PJA2: variants seen among roughly 807,000 people sequenced by gnomAD.
PJA2 encodes the protein praja ring finger ubiquitin ligase 2, also known as E3 ubiquitin-protein ligase Praja-2.
Under a neutral mutation model 69.3 loss-of-function variants are expected in PJA2, and 25 were observed. The observed-to-expected ratio is 0.36, with a 90% CI of 0.26 to 0.50. The LOEUF is 0.50. Ranked by LOEUF, PJA2 falls within the 20% of genes least tolerant of loss-of-function variation. PJA2 has a pLI of 0.96. For missense variants in PJA2, 809 were observed against 830.2 expected, an observed-to-expected ratio of 0.97 and a Z score of 0.31; for synonymous variants, 308 against 277.8, an observed-to-expected ratio of 1.11 and a Z score of -1.08.
At chr5:109,359,708 T>A (rs1762479035) in intron 6 of PJA2, among the ~76,000 whole-genome samples, 1 of 152,158 alleles carries the variant, frequency 6.6e-6, no homozygotes, top group Non-Finnish European at 1.5e-5. Flanking sequence ...AGAAACTTGT[T>A]AACTAAATAC....
At chr5:109,339,946 G>C (rs975884576) in intron 9 of PJA2, among the ~76,000 whole-genome samples, 2 of 152,190 alleles carry the variant, frequency 1.3e-5, no homozygotes, top group Admixed American at 6.5e-5. Flanking sequence ...AGAAGGGAGA[G>C]AGCAAGGAAA....
chr5:109,390,507 TACTC>T (rs1282544684), intron 1 of PJA2: 2 of 152,016 alleles, frequency 1.3e-5, no homozygotes, highest in Admixed American at 1.3e-4. Context: ...AGGTAGGTCT[TACTC>T]ACTTATATAT....
intron 9 of PJA2, among the ~76,000 whole-genome samples, chr5:109,340,894 G>A (rs1272458065): frequency 1.0e-5 from 1 of 98,458 alleles, no homozygotes; most frequent in African/African-American, 3.1e-5. Context: ...CGCCAACCTC[G>A]ACCTCCCGAG....
chr5:109,346,519 GTGGA>G (rs917298965), intron 7 of PJA2, among the ~76,000 whole-genome samples: 21 of 152,218 alleles, frequency 1.4e-4, no homozygotes, highest in Admixed American at 1.4e-3. Context: ...CTGTTCATTG[GTGGA>G]TGGATGAATA....
Position 109,379,140 on chromosome 5 carries a change from C to T in PJA2, c.347G>A (p.Ser116Asn), listed in dbSNP as rs1364844207. Residue 116 changes from serine to asparagine, a missense_variant, in exon 4 of 10, where the codon AGT becomes AAT. By Grantham distance (46) the Ser-to-Asn change is conservative. This residue lies in a region of PJA2 where 700 missense variants were observed against 639.5 expected (regional missense o/e 1.09). Transcript: ENST00000361189. ...GSALNQTTESSQSFVAVHHSE... is the reference protein window; with the variant it reads ...GSALNQTTESNQSFVAVHHSE... ...GTGATGTACTGCAACAAAGGATTGA[C>T]TGCTCTCAGTGGTTTGATTCAATGC... The T allele has an allele frequency of 6.2e-7, 1 of 1,614,128 alleles. No individual in the cohort carries two copies. The highest frequency in any genetic ancestry group is 8.5e-7 in the Non-Finnish European group (1 of 1,180,032).
intron 1 of PJA2, among the ~76,000 whole-genome samples, chr5:109,401,442 G>A (rs1747544546): frequency 6.6e-6 from 1 of 152,046 alleles, no homozygotes; most frequent in South Asian, 2.1e-4. Flanking sequence ...TTGGGCAACA[G>A]AGCGAGACCT....
rs991556930 is a variant in PJA2 at position 109,353,969 on chromosome 5, G to C, written c.1764+1946C>G. Among the ~76,000 whole-genome samples the C allele has an allele frequency of 3.7e-5, 5 of 134,550 alleles. No homozygotes were observed. The Admixed American group carries it at 3.7e-4, about 10-fold the overall frequency. The allele number at this position is 134,550 out of a possible 152,430, so 88.3% of individuals were successfully genotyped here. On this transcript the variant is annotated intron_variant, in intron 7 of 9. Coordinates refer to ENST00000361189, the MANE Select transcript of PJA2 (RefSeq NM_014819.5). ...ATAGATTAGATGTCTATGATATCTAGAGATATCTATAGATTAGATAGATAT... is the reference window on the plus strand; with the variant it reads ...ATAGATTAGATGTCTATGATATCTACAGATATCTATAGATTAGATAGATAT...
chr5:109,364,136 G>A (rs1329874661), intron 5 of PJA2, among the ~76,000 whole-genome samples: 2 of 151,078 alleles, frequency 1.3e-5, no homozygotes, highest in Admixed American at 1.3e-4. Flanking sequence ...AAGCGAGACT[G>A]TGTCTCAAAA....
At chr5:109,365,556 A>T (rs992941086) in intron 5 of PJA2, among the ~76,000 whole-genome samples, 15 of 148,846 alleles carry the variant, frequency 1.0e-4, no homozygotes, top group African/African-American at 3.5e-4. Context: ...TACTGTCTAA[A>T]CTCACTTTTT....
chr5:109,367,337 T>C (rs1762601862), intron 5 of PJA2, among the ~76,000 whole-genome samples: 1 of 151,186 alleles, frequency 6.6e-6, no homozygotes, highest in Non-Finnish European at 1.5e-5. Context: ...TGAAAATGTA[T>C]ATGCTTTGAG....
Position 109,378,539 on chromosome 5 carries a change from T to G in PJA2, c.948A>C (p.Pro316=). 1 of 1,614,206 alleles carries G rather than the reference T, an allele frequency of 6.2e-7. No individual in the cohort carries two copies. The highest frequency in any genetic ancestry group is 8.5e-7 in the Non-Finnish European group (1 of 1,180,028). Residue 316 remains proline, a synonymous_variant, in exon 4 of 10, where the codon CCA becomes CCC. Coordinates refer to ENST00000361189, the MANE Select transcript of PJA2 (RefSeq NM_014819.5). Reference sequence around the variant, plus strand: ...TTGAACTTATCAGTTTTCTAACTTTTGGCCTCACTACCTGTTCAGGAGAAC... The same window carrying G: ...TTGAACTTATCAGTTTTCTAACTTTGGGCCTCACTACCTGTTCAGGAGAAC... ...HGSSPEQVVR[P]KVRKLISSSQ... is the part of the protein sequence containing the mutation.
At chr5:109,407,210 C>A (rs956658942) in intron 1 of PJA2, among the ~76,000 whole-genome samples, 4 of 152,088 alleles carry the variant, frequency 2.6e-5, no homozygotes, top group Non-Finnish European at 4.4e-5. Context: ...TCTAAGTTAT[C>A]CTCAATAAGG....
In PJA2 at chr5:109,406,039, CA is replaced by C. The variant is rs142547905; in HGVS notation, c.-88+3802del. Among the ~76,000 whole-genome samples, 25 of 136,018 alleles carry C rather than the reference CA, an allele frequency of 1.8e-4. No homozygotes were observed. In the East Asian group the frequency reaches 3.1e-3, roughly 17 times the overall value. 89.2% of individuals were successfully genotyped at this position (136,018 alleles called of 152,430 possible). A position where few individuals can be genotyped will look rare whatever the true frequency, so the allele number is the denominator to read the frequency against. On this transcript the variant is annotated intron_variant, in intron 1 of 9. Transcript: ENST00000361189. ...TGCTTACAACTCAATAAGACAAACCCATTTTTTTTTTTTTTTTTTTTTGAGA... is the reference window on the plus strand; with the variant it reads ...TGCTTACAACTCAATAAGACAAACCCTTTTTTTTTTTTTTTTTTTTTGAGA...
rs1417923894 is a variant in PJA2 at position 109,335,861 on chromosome 5, A to AAGG, written c.*1369_*1370insCCT. 2.0e-5 allele frequency: 3 copies of AAGG among 152,622 alleles called. No individual in the cohort carries two copies. The highest frequency in any genetic ancestry group is 7.2e-5 in the African/African-American group (3 of 41,454). 9.5% of individuals were successfully genotyped at this position (152,622 alleles called of 1,614,324 possible). On this transcript the variant is annotated 3_prime_UTR_variant, in exon 10 of 10. Transcript: ENST00000361189. ...ATCACATTACATGCATGCAATGTTC[A>AAGG]CTTTTGTTTTACCCATAAAAGGATA... is the stretch of plus-strand genomic sequence containing the variant.
Position 109,340,653 on chromosome 5 carries a change from CCCCTCCCCCTCCCCCT to C in PJA2, c.2002-3313_2002-3298del, listed in dbSNP as rs1561338761. On this transcript the variant is annotated intron_variant, in intron 9 of 9. Transcript: ENST00000361189. ...CCCCCTCCCCCTCCCCCTCCCCCTC[CCCCTCCCCCTCCCCCT>C]CCCTCTCCCCACGGTCTCCCTCTCA... Among the ~76,000 whole-genome samples, 19 of 2,652 alleles carry C rather than the reference CCCCTCCCCCTCCCCCT, an allele frequency of 7.2e-3. 1 individual carries two copies. Among genetic ancestry groups the C allele is most frequent in the South Asian group, 0.024 (1 of 42 alleles). 1.7% of individuals were successfully genotyped at this position (2,652 alleles called of 152,430 possible).
intron 1 of PJA2, among the ~76,000 whole-genome samples, chr5:109,386,758 T>C (rs1255619248): frequency 6.6e-6 from 1 of 152,160 alleles, no homozygotes; most frequent in Non-Finnish European, 1.5e-5. Flanking sequence ...CCTCATACTT[T>C]AGTACAGTTC....
Position 109,335,143 on chromosome 5 carries a change from G to A in PJA2, c.*2088C>T, listed in dbSNP as rs1761916763. ...AAATAATATTTTAGTATCTGAACTT[G>A]CCAGCCTTAGCTTATACCAGAGCTT... On this transcript the variant is annotated 3_prime_UTR_variant, in exon 10 of 10. Coordinates refer to ENST00000361189, the MANE Select transcript of PJA2 (RefSeq NM_014819.5). 1 of 152,546 alleles carries A rather than the reference G, an allele frequency of 6.6e-6. No individual in the cohort carries two copies. The highest frequency in any genetic ancestry group is 2.4e-5 in the African/African-American group (1 of 41,422). The allele number at this position is 152,546 out of a possible 1,614,324, so 9.4% of individuals were successfully genotyped here.
In PJA2 at chr5:109,379,207, T is replaced by C. The variant is rs1458684568; in HGVS notation, c.280A>G (p.Ile94Val). ...QVDSSLPSEP[I>V]FEKSETEIPT... ...ATTTCTGTTTCACTTTTTTCAAATA[T>C]AGGTTCACTGGGTAAAGAAGAATCA... is the stretch of plus-strand genomic sequence containing the variant. Residue 94 changes from isoleucine to valine, a missense_variant, in exon 4 of 10, where the codon ATA becomes GTA. Ile to Val is a conservative substitution (Grantham distance 29). Around this residue, in one of 4 missense-constraint regions of PJA2, gnomAD observed 700 missense variants for 639.5 expected, o/e 1.09. Coordinates refer to ENST00000361189, the MANE Select transcript of PJA2 (RefSeq NM_014819.5). 6 of 1,613,792 alleles carry C rather than the reference T, an allele frequency of 3.7e-6. No individual in the cohort carries two copies. Among genetic ancestry groups the C allele is most frequent in the African/African-American group, 1.3e-5 (1 of 74,924 alleles).
chr5:109,375,451 C>T (rs549471043), intron 4 of PJA2, among the ~76,000 whole-genome samples: 24 of 151,690 alleles, frequency 1.6e-4, no homozygotes, highest in Non-Finnish European at 2.7e-4. Context: ...GAGGTTGCAG[C>T]GAGCCGAGAT....
Sources: gnomAD v4.1 joint callset for allele counts (sites outside exome capture counted in the v4.1 genomes callset) on GRCh38, gnomAD v4.1.1 for gene constraint, gnomAD v4.1.1 regional missense constraint, MANE v1.5 for transcripts, NCBI Gene and HGNC (gene_info 2026-07-23, HGNC 2026-07-21) for gene names.